SYT6: variants seen among roughly 807,000 people sequenced by gnomAD.
SYT6 encodes the protein synaptotagmin-6.
A neutral mutation model predicts 38.4 loss-of-function variants in SYT6; 24 were observed. The ratio of observed to expected loss-of-function variants is 0.62; its 90% CI spans 0.45 to 0.88. The LOEUF is 0.88. SYT6 is among the 40% of genes least tolerant of loss of function. The pLI is 0.00. For missense variants in SYT6, 611 were observed against 621.0 expected (o/e 0.98, Z 0.17); for synonymous variants, 265 against 241.9 (o/e 1.10, Z -0.89).
intron 3 of SYT6, among the ~76,000 whole-genome samples, chr1:114,128,432 T>C (rs551917500): frequency 6.6e-6 from 1 of 152,310 alleles, no homozygotes; most frequent in Admixed American, 6.5e-5. Flanking sequence ...TTCCCTAAGC[T>C]ATGGCCCATA....
At chr1:114,129,242 T>C (rs59409374) in intron 3 of SYT6, among the ~76,000 whole-genome samples, 26,984 of 152,232 alleles carry the variant, frequency 0.18, 2,457 homozygotes, top group East Asian at 0.28. Flanking sequence ...ACATCTTACA[T>C]ATCTACCACC....
chr1:114,132,739 C>T (rs1678227765), intron 3 of SYT6, among the ~76,000 whole-genome samples: 1 of 152,178 alleles, frequency 6.6e-6, no homozygotes, highest in African/African-American at 2.4e-5. Context: ...GCTAAGCCAG[C>T]AGGAAGGGCA....
rs551692493 is a variant in SYT6 at position 114,104,839 on chromosome 1, T to A, written c.1072-1118A>T. ...ATTTCAACTTAAAAAAAATTCCACC[T>A]TTTATTTTAGGTTCAGATTCAGAGG... On this transcript the variant is annotated intron_variant, in intron 3 of 7. Transcript: ENST00000610222. 3.3e-5 allele frequency among the ~76,000 whole-genome samples: 5 copies of A among 152,252 alleles called. No homozygotes were observed. The East Asian group carries it at 7.7e-4, about 23-fold the overall frequency.
chr1:114,147,264 C>T (rs1371626020), intron 1 of SYT6, among the ~76,000 whole-genome samples: 1 of 152,150 alleles, frequency 6.6e-6, no homozygotes, highest in African/African-American at 2.4e-5. Flanking sequence ...TTGTTGTTAC[C>T]ATCACCAGCC....
chr1:114,113,937 G>GACTCTTCAGCCTCCCCCC (rs1553180997), intron 3 of SYT6, among the ~76,000 whole-genome samples: 4 of 152,190 alleles, frequency 2.6e-5, no homozygotes, highest in African/African-American at 7.2e-5. Context: ...GAACGGGGCT[G>GACTCTTCAGCCTCCCCCC]ACTCTTCAGC....
chr1:114,147,888 T>G (rs569877018), intron 1 of SYT6, among the ~76,000 whole-genome samples: 1 of 152,288 alleles, frequency 6.6e-6, no homozygotes, highest in East Asian at 1.9e-4. Flanking sequence ...CATGTTTTGT[T>G]TTTTGGTGGA....
intron 1 of SYT6, among the ~76,000 whole-genome samples, chr1:114,146,646 G>A (rs1393480267): frequency 6.6e-6 from 1 of 152,136 alleles, no homozygotes; most frequent in African/African-American, 2.4e-5. Context: ...AGGGAGAGAG[G>A]GCTCAGCCCA....
chr1:114,139,375 C>T (rs1013696477), intron 2 of SYT6, among the ~76,000 whole-genome samples: 8 of 152,196 alleles, frequency 5.3e-5, no homozygotes, highest in African/African-American at 1.9e-4. Context: ...CCCACACACA[C>T]CCCAAGTGCA....
At position 114,099,258 on chromosome 1, in the gene SYT6, A is replaced by G. The variant is rs147172888; in HGVS notation, c.1200T>C (p.Tyr400=). ...AMDITGYSDP[Y]VKVSLLCDGR... is the part of the protein sequence containing the mutation. ...CATCACAGAGCAAGGACACTTTCAC[A>G]TAGGGATCTGTGCCAATGGGGACAG... is the stretch of plus-strand genomic sequence containing the variant. Residue 400 remains tyrosine, a synonymous_variant, in exon 5 of 8, where the codon TAT becomes TAC. Transcript: ENST00000610222. 3,526 of 1,612,452 alleles carry G rather than the reference A, an allele frequency of 2.2e-3. 8 individuals carry two copies. Among genetic ancestry groups the G allele is most frequent in the Middle Eastern group, 4.5e-3 (27 of 6,058 alleles).
intron 3 of SYT6, among the ~76,000 whole-genome samples, chr1:114,135,050 C>A (rs1023755675): frequency 6.6e-6 from 1 of 152,062 alleles, no homozygotes; most frequent in African/African-American, 2.4e-5. Flanking sequence ...AGAACTCTAC[C>A]TGCTGGTGGG....
At chr1:114,121,720 G>C (rs753663144) in intron 3 of SYT6, among the ~76,000 whole-genome samples, 2 of 152,106 alleles carry the variant, frequency 1.3e-5, no homozygotes, top group African/African-American at 4.8e-5. Flanking sequence ...GTGACTTCAA[G>C]GAATTGCCTC....
chr1:114,111,881 C>G (rs141936765), intron 3 of SYT6, among the ~76,000 whole-genome samples: 2 of 152,146 alleles, frequency 1.3e-5, no homozygotes, highest in East Asian at 3.9e-4. Flanking sequence ...CCTAGGGTGC[C>G]GAGAGGGGGC....
In SYT6 at chr1:114,136,165, G is replaced by A. The variant is rs140814066; in HGVS notation, c.1071+1330C>T. Among the ~76,000 whole-genome samples, 1,455 of 152,320 alleles carry A rather than the reference G, an allele frequency of 9.6e-3. 13 individuals are homozygous for A. Among genetic ancestry groups the A allele is most frequent in the Non-Finnish European group, 0.016 (1,071 of 68,030 alleles). On this transcript the variant is annotated intron_variant, in intron 3 of 7. Coordinates refer to ENST00000610222, the MANE Select transcript of SYT6 (RefSeq NM_001253772.2). ...GTGTCCCCCAGACCCTTCCTGGGGTGTAAGCAGAGCCCACTAAGCTTTCTC... is the reference window on the plus strand; with the variant it reads ...GTGTCCCCCAGACCCTTCCTGGGGTATAAGCAGAGCCCACTAAGCTTTCTC...
chr1:114,107,127 G>A lies in SYT6; in HGVS notation c.1072-3406C>T, dbSNP rs1676372455. 2.6e-5 allele frequency among the ~76,000 whole-genome samples: 4 copies of A among 152,188 alleles called. No individual in the cohort carries two copies. In the South Asian group the frequency reaches 6.2e-4, roughly 24 times the overall value. The stretch of plus-strand genomic sequence containing the variant: ...CCCCACCACCAAGTCCTACAGATGC[G>A]GAGTTGCCTGCGCTTTCACAGGCTG... On this transcript the variant is annotated intron_variant, in intron 3 of 7. Coordinates refer to ENST00000610222, the MANE Select transcript of SYT6 (RefSeq NM_001253772.2).
At chr1:114,112,919 C>A (rs75045986) in intron 3 of SYT6, among the ~76,000 whole-genome samples, 4,444 of 152,248 alleles carry the variant, frequency 0.029, 85 homozygotes, top group Admixed American at 0.044. Flanking sequence ...GGGGCTGGGA[C>A]TCTCAGCAGG....
chr1:114,105,537 G>C (rs962727914), intron 3 of SYT6, among the ~76,000 whole-genome samples: 1 of 152,004 alleles, frequency 6.6e-6, no homozygotes. Flanking sequence ...CCAGGGCGGG[G>C]CACACTGTGG....
At chr1:114,145,975 C>T (rs949516452) in intron 1 of SYT6, among the ~76,000 whole-genome samples, 1 of 152,122 alleles carries the variant, frequency 6.6e-6, no homozygotes, top group African/African-American at 2.4e-5. Context: ...AGCTGCTGTT[C>T]CCTCAGAGCT....
rs1375973856 is a variant in SYT6, at chr1:114,153,711, G to T, written c.62C>A (p.Ser21Ter). 1.5e-6 allele frequency: 1 copy of T among 681,212 alleles called. No homozygotes were observed. The allele number at this position is 681,212 out of a possible 1,614,324, so 42.2% of individuals were successfully genotyped here. Residue 21 changes from serine (S) to a stop codon, truncating the protein, a stop_gained, in exon 1 of 8, where the codon TCG becomes TAG. Transcript: ENST00000610222. LOFTEE classifies it high-confidence loss of function. ...AGGGGGCGGCCGGGCCCGGCACAGC[G>T]AGGCGAGGACCGCGAGCGCCTCCTG... Reference protein sequence around the residue: ...RCQEALAVLASLCRARPPPLG... With the variant: ...RCQEALAVLA
At chr1:114,110,385 G>A (rs1187369930) in intron 3 of SYT6, among the ~76,000 whole-genome samples, 1 of 152,186 alleles carries the variant, frequency 6.6e-6, no homozygotes, top group Admixed American at 6.5e-5. Flanking sequence ...ACCTGACCAA[G>A]GGTAGTGAGT....
Sources: allele counts gnomAD v4.1 joint callset (sites outside exome capture counted in the v4.1 genomes callset), GRCh38; gene constraint gnomAD v4.1.1; transcripts MANE v1.5; gene names NCBI Gene and HGNC (gene_info 2026-07-23, HGNC 2026-07-21).